Variants in ROR2 observed in about 807,000 individuals in gnomAD.
ROR2 encodes tyrosine-protein kinase transmembrane receptor ROR2.
In ROR2, 33 loss-of-function variants were observed where a neutral mutation model predicts 74.9. The ratio of observed to expected loss-of-function variants is 0.44; its 90% CI spans 0.33 to 0.59. The LOEUF is 0.59. ROR2 is among the 20% of genes least tolerant of loss of function. The pLI is 0.02. For missense variants in ROR2, 1,216 were observed against 1,313.8 expected (o/e 0.93, Z 1.15); for synonymous variants, 586 against 558.7 (o/e 1.05, Z -0.69).
intron 1 of ROR2, among the ~76,000 whole-genome samples, chr9:91,940,051 A>G (rs572841957): frequency 1.4e-4 from 21 of 152,188 alleles, no homozygotes; most frequent in Non-Finnish European, 2.5e-4. Flanking sequence ...GCCACAGCCT[A>G]TGTGATGCAG....
At position 91,792,689 on chromosome 9, in the gene ROR2, T is replaced by A. The variant is rs1023470538; in HGVS notation, c.98-16871A>T. Among the ~76,000 whole-genome samples, 6 of 152,216 alleles carry A rather than the reference T, an allele frequency of 3.9e-5. No individual in the cohort carries two copies. In the South Asian group the frequency reaches 1.0e-3, roughly 26 times the overall value. On this transcript the variant is annotated intron_variant, in intron 1 of 8. Transcript: ENST00000375708. ...ACTCAAATTATTAATATTAAGAATA[T>A]TAAGAATGAAAGGCAGGGATTACGT... is the stretch of plus-strand genomic sequence containing the variant.
chr9:91,798,748 GC>G (rs1207061168), intron 1 of ROR2, among the ~76,000 whole-genome samples: 1 of 152,080 alleles, frequency 6.6e-6, no homozygotes, highest in African/African-American at 2.4e-5. Context: ...AGTGTGAGAT[GC>G]CCCCTCTCAT....
chr9:91,844,018 A>C (rs1359501631), intron 1 of ROR2, among the ~76,000 whole-genome samples: 1 of 151,506 alleles, frequency 6.6e-6, no homozygotes, highest in Non-Finnish European at 1.5e-5. Flanking sequence ...CCGTCCCCAC[A>C]CTCTCCTTCT....
intron 1 of ROR2, among the ~76,000 whole-genome samples, chr9:91,941,711 T>C (rs542148211): frequency 2.6e-4 from 40 of 152,282 alleles, no homozygotes; most frequent in African/African-American, 9.4e-4. Flanking sequence ...TACTGTCTTC[T>C]CTACCTACCC....
chr9:91,937,025 G>A lies in ROR2; in HGVS notation c.97+12842C>T, dbSNP rs575109737. 2.1e-4 allele frequency among the ~76,000 whole-genome samples: 9 copies of A among 42,608 alleles called. No individual in the cohort carries two copies. The South Asian group carries it at 4.0e-3, about 19-fold the overall frequency. 28.0% of individuals were successfully genotyped at this position (42,608 alleles called of 152,430 possible). A position where few individuals can be genotyped will look rare whatever the true frequency, so the allele number is the denominator to read the frequency against. ...AGCCTGGGCGACAGAGCGAGACTCC[G>A]TCTCAAAAAAAAAAAAAAAAAAGAT... On this transcript the variant is annotated intron_variant, in intron 1 of 8. Coordinates refer to ENST00000375708, the MANE Select transcript of ROR2 (RefSeq NM_004560.4).
At chr9:91,747,387 G>C (rs181969265) in intron 4 of ROR2, among the ~76,000 whole-genome samples, 1 of 152,248 alleles carries the variant, frequency 6.6e-6, no homozygotes, top group South Asian at 2.1e-4. Flanking sequence ...GGACAGGCCA[G>C]GGCAGCACCC....
intron 1 of ROR2, among the ~76,000 whole-genome samples, chr9:91,928,289 A>G (rs1383309019): frequency 6.6e-6 from 1 of 151,602 alleles, no homozygotes; most frequent in Non-Finnish European, 1.5e-5. Flanking sequence ...CAATCCCCTC[A>G]CTGCCCCTCT....
At chr9:91,746,070 GTTTA>G (rs995531957) in intron 4 of ROR2, among the ~76,000 whole-genome samples, 8 of 150,554 alleles carry the variant, frequency 5.3e-5, no homozygotes, top group South Asian at 2.1e-4. Context: ...TTTTTTGTTT[GTTTA>G]TTTATTTATT....
intron 1 of ROR2, among the ~76,000 whole-genome samples, chr9:91,904,024 T>C (rs1359591362): frequency 6.7e-6 from 1 of 148,280 alleles, no homozygotes; most frequent in Non-Finnish European, 1.5e-5. Flanking sequence ...TTTTTTTTGA[T>C]TTTTTGTTTT....
intron 1 of ROR2, among the ~76,000 whole-genome samples, chr9:91,779,661 G>A (rs543059196): frequency 6.6e-5 from 10 of 151,970 alleles, no homozygotes; most frequent in South Asian, 2.1e-4. Flanking sequence ...ATGAGCCACC[G>A]TGCCACCGTG....
At chr9:91,766,351 A>G (rs1053647908) in intron 2 of ROR2, among the ~76,000 whole-genome samples, 2 of 152,236 alleles carry the variant, frequency 1.3e-5, no homozygotes, top group Non-Finnish European at 2.9e-5. Context: ...GCGGCAGCCC[A>G]GGGCTGTCAC....
Position 91,724,234 on chromosome 9 carries a change from T to A in ROR2, c.2260A>T (p.Asn754Tyr). Reference sequence around the variant, plus strand: ...GAGGTCTGCGCCGAGCTGTTGTAGTTGGAAAGGTTGCCCCAGGCTCGGAGC... The same window carrying A: ...GAGGTCTGCGCCGAGCTGTTGTAGTAGGAAAGGTTGCCCCAGGCTCGGAGC... ...SRLRAWGNLS[N>Y]YNSSAQTSGA... is the part of the protein sequence containing the mutation. The change falls in exon 9 of 9, where the codon AAC becomes TAC. Residue 754 changes from asparagine (N) to tyrosine (Y), a missense_variant. Physicochemically the swap from Asn to Tyr is moderately radical, Grantham distance 143 (BLOSUM62 -2). Transcript: ENST00000375708. 2 of 1,613,612 alleles carry A rather than the reference T, an allele frequency of 1.2e-6. No homozygotes were observed. The highest frequency in any genetic ancestry group is 2.2e-5 in the South Asian group (2 of 91,082).
intron 1 of ROR2, among the ~76,000 whole-genome samples, chr9:91,845,619 C>G (rs1199850754): frequency 2.0e-5 from 3 of 152,058 alleles, no homozygotes; most frequent in Admixed American, 6.5e-5. Flanking sequence ...CGGTTGCTCG[C>G]ATCTGTAATC....
intron 1 of ROR2, among the ~76,000 whole-genome samples, chr9:91,884,979 A>C (rs1411170305): frequency 6.6e-6 from 1 of 152,182 alleles, no homozygotes; most frequent in Admixed American, 6.5e-5. Flanking sequence ...TATCACTGCA[A>C]GCTTACAAAG....
At chr9:91,861,112 G>C (rs1311506740) in intron 1 of ROR2, among the ~76,000 whole-genome samples, 2 of 152,118 alleles carry the variant, frequency 1.3e-5, no homozygotes, top group Non-Finnish European at 2.9e-5. Flanking sequence ...ATTTTTTAAA[G>C]ATCTAAATAA....
At chr9:91,753,508 C>T (rs563091296) in intron 4 of ROR2, among the ~76,000 whole-genome samples, 7 of 152,264 alleles carry the variant, frequency 4.6e-5, no homozygotes, top group Admixed American at 2.6e-4. Flanking sequence ...TACGAATGAC[C>T]ATTTGGCAGT....
chr9:91,934,604 T>C (rs1564049815), intron 1 of ROR2, among the ~76,000 whole-genome samples: 1 of 152,222 alleles, frequency 6.6e-6, no homozygotes, highest in East Asian at 1.9e-4. Flanking sequence ...TCTTTCTTTT[T>C]CATTTTGCTT....
In ROR2 at chr9:91,724,697, G is replaced by T. The variant is rs754344192; in HGVS notation, c.1797C>A (p.Ile599=). The T allele has an allele frequency of 1.9e-6, 3 of 1,614,216 alleles. No homozygotes were observed. The highest frequency in any genetic ancestry group is 2.5e-6 in the Non-Finnish European group (3 of 1,180,038). The part of the protein sequence containing the change: ...PPDFVHLVAQ[I]AAGMEYLSSH... The stretch of plus-strand genomic sequence containing the variant: ...TGGATAGGTACTCCATCCCCGCCGC[G>T]ATCTGTGCCACAAGGTGCACGAAGT... The change falls in exon 9 of 9, where the codon ATC becomes ATA. Residue 599 remains isoleucine, a synonymous_variant. Coordinates refer to ENST00000375708, the MANE Select transcript of ROR2 (RefSeq NM_004560.4).
intron 1 of ROR2, chr9:91,948,958 T>G: frequency 1.0e-6 from 1 of 978,252 alleles, no homozygotes; most frequent in Non-Finnish European, 1.2e-6. Context: ...CCTAGGCAGG[T>G]CCCAAGCTGC....
Sources: allele counts gnomAD v4.1 joint callset (sites outside exome capture counted in the v4.1 genomes callset), GRCh38; gene constraint gnomAD v4.1.1; transcripts MANE v1.5; gene names NCBI Gene and HGNC (gene_info 2026-07-23, HGNC 2026-07-21).